PLD5: variants seen among roughly 807,000 people sequenced by gnomAD.
PLD5 encodes inactive phospholipase D5.
PLD5 carries 36 observed loss-of-function variants against 61.1 expected under a neutral mutation model. The observed-to-expected ratio is 0.59, with a 90% CI of 0.45 to 0.78. The LOEUF is 0.78. PLD5 is among the 30% of genes least tolerant of loss of function. The probability of loss-of-function intolerance (pLI) is 0.00; values close to 1 mark genes in which losing one functional copy is unlikely to be tolerated. For synonymous variants in PLD5, 243 were observed against 242.8 expected, an observed-to-expected ratio of 1.00 and a Z score of -0.01; for missense variants, 515 against 644.4, an observed-to-expected ratio of 0.80 and a Z score of 2.17.
At chr1:242,480,170 T>G (rs1478044467) in intron 1 of PLD5, among the ~76,000 whole-genome samples, 4 of 152,184 alleles carry the variant, frequency 2.6e-5, no homozygotes, top group African/African-American at 4.8e-5. Context: ...GCATATAGAT[T>G]AACTGGACAG....
intron 5 of PLD5, among the ~76,000 whole-genome samples, chr1:242,211,486 C>A (rs1669816927): frequency 1.3e-5 from 2 of 152,172 alleles, no homozygotes; most frequent in South Asian, 4.1e-4. Flanking sequence ...CAGTGGTTGA[C>A]TCAAAGCCTT....
chr1:242,091,116 C>T (rs887826429), intron 9 of PLD5, among the ~76,000 whole-genome samples: 43 of 152,014 alleles, frequency 2.8e-4, no homozygotes, highest in Admixed American at 6.6e-5. Context: ...GTCCAAATTT[C>T]CCCCCTTTTA....
intron 5 of PLD5, among the ~76,000 whole-genome samples, chr1:242,131,476 A>G (rs957888271): frequency 6.6e-6 from 1 of 152,282 alleles, no homozygotes; most frequent in African/African-American, 2.4e-5. Flanking sequence ...AAGCAATGCT[A>G]ATTAATTATA....
At chr1:242,169,089 C>T (rs1049189480) in intron 5 of PLD5, among the ~76,000 whole-genome samples, 2 of 151,822 alleles carry the variant, frequency 1.3e-5, no homozygotes, top group Non-Finnish European at 2.9e-5. Context: ...ACACATGAAG[C>T]CTACCTTTCT....
In PLD5 at chr1:242,391,194, C is replaced by CA. The variant is rs927141075; in HGVS notation, c.190-42953dup. 1.7e-3 allele frequency among the ~76,000 whole-genome samples: 257 copies of CA among 151,746 alleles called. 1 individual carries two copies. Among genetic ancestry groups the CA allele is most frequent in the East Asian group, 1.6e-3 (8 of 5,158 alleles). On this transcript the variant is annotated intron_variant, in intron 1 of 9. Coordinates refer to ENST00000536534, the MANE Select transcript of PLD5 (RefSeq NM_001372062.1). Reference sequence around the variant, plus strand: ...TGGGTGAGAGAGCGAGACTCCGTCTCAAAAAAAAGAAAAAGTTGTGGCTCC... The same window carrying CA: ...TGGGTGAGAGAGCGAGACTCCGTCTCAAAAAAAAAGAAAAAGTTGTGGCTCC...
chr1:242,475,385 T>C (rs1415548590), intron 1 of PLD5, among the ~76,000 whole-genome samples: 2 of 128,374 alleles, frequency 1.6e-5, no homozygotes, highest in Non-Finnish European at 3.2e-5. Context: ...ATTGCGCCAC[T>C]GCACTCCAGC....
intron 1 of PLD5, among the ~76,000 whole-genome samples, chr1:242,356,232 T>C (rs1389040902): frequency 6.6e-6 from 1 of 152,156 alleles, no homozygotes; most frequent in Non-Finnish European, 1.5e-5. Flanking sequence ...TAATATTTCC[T>C]TTATAGATTC....
chr1:242,201,641 C>T (rs1313876311), intron 5 of PLD5, among the ~76,000 whole-genome samples: 1 of 151,942 alleles, frequency 6.6e-6, no homozygotes, highest in Non-Finnish European at 1.5e-5. Context: ...CTTACCTCAG[C>T]CTCCTGAATA....
chr1:242,314,533 A>G (rs1037464264), intron 2 of PLD5, among the ~76,000 whole-genome samples: 1 of 152,186 alleles, frequency 6.6e-6, no homozygotes, highest in Non-Finnish European at 1.5e-5. Context: ...CTTCTCTCCG[A>G]ACTAGGGCTT....
chr1:242,348,534 A>T (rs1376374116), intron 1 of PLD5, among the ~76,000 whole-genome samples: 2 of 152,182 alleles, frequency 1.3e-5, no homozygotes, highest in Non-Finnish European at 2.9e-5. Flanking sequence ...AGCAGTCCAG[A>T]AAAGATCACT....
chr1:242,527,114 C>CTTTTTTTTTTTTTTTTTTTTTTTTTTT (rs530334746), upstream of PLD5, among the ~76,000 whole-genome samples: 4 of 71,978 alleles, frequency 5.6e-5, 1 homozygote, highest in Admixed American at 1.9e-4. Context: ...CTATCTCCTT[C>CTTTTTTTTTTTTTTTTTTTTTTTTTTT]TTTTTTTTTT....
At chr1:242,110,646 C>T (rs1044828149) in intron 7 of PLD5, among the ~76,000 whole-genome samples, 3 of 152,094 alleles carry the variant, frequency 2.0e-5, no homozygotes, top group African/African-American at 7.2e-5. Context: ...CCCATCTCTA[C>T]TAAAAATACA....
At chr1:242,361,900 C>T (rs540014716) in intron 1 of PLD5, among the ~76,000 whole-genome samples, 7 of 151,018 alleles carry the variant, frequency 4.6e-5, no homozygotes, top group Non-Finnish European at 8.8e-5. Flanking sequence ...TTTGGGAGGC[C>T]GAGGTGGGAG....
chr1:242,485,080 A>G (rs1418551243), intron 1 of PLD5, among the ~76,000 whole-genome samples: 2 of 152,166 alleles, frequency 1.3e-5, no homozygotes, highest in African/African-American at 4.8e-5. Flanking sequence ...AGAGCTATTT[A>G]TGACAAACCC....
At position 242,191,589 on chromosome 1, in the gene PLD5, A is replaced by G. The variant is rs372690529; in HGVS notation, c.735+28399T>C. 1.8e-4 allele frequency among the ~76,000 whole-genome samples: 27 copies of G among 152,328 alleles called. No homozygotes were observed. In the East Asian group the frequency reaches 1.9e-3, roughly 11 times the overall value. On this transcript the variant is annotated intron_variant, in intron 5 of 9. Coordinates refer to ENST00000536534, the MANE Select transcript of PLD5 (RefSeq NM_001372062.1). Reference sequence around the variant, plus strand: ...CAATGGAGCAAGAAGCTGTCTCGAGAAAAAAGAAAGAAAAACGAAGGAAAG... The same window carrying G: ...CAATGGAGCAAGAAGCTGTCTCGAGGAAAAAGAAAGAAAAACGAAGGAAAG...
chr1:242,326,125 C>A (rs562189694), intron 2 of PLD5, among the ~76,000 whole-genome samples: 3 of 87,140 alleles, frequency 3.4e-5, no homozygotes, highest in East Asian at 3.8e-4. Context: ...GATCCTCCCC[C>A]CTCCCTCCCA....
intron 1 of PLD5, among the ~76,000 whole-genome samples, chr1:242,398,021 A>T (rs561335017): frequency 6.6e-6 from 1 of 152,216 alleles, no homozygotes; most frequent in Admixed American, 6.5e-5. Context: ...TTTCCTGAGA[A>T]ACATTTCGAA....
At chr1:242,235,756 C>G (rs953244947) in intron 4 of PLD5, 3 of 152,150 alleles carry the variant, frequency 2.0e-5, no homozygotes, top group Non-Finnish European at 4.4e-5. Context: ...CAAGGAAGGG[C>G]TATGCTGGCC....
In PLD5 at chr1:242,090,064, C is replaced by T. The variant is rs144507098; in HGVS notation, c.1401G>A (p.Thr467=). Residue 467 remains threonine (T), a synonymous_variant, in exon 10 of 10, where the codon ACG becomes ACA. Coordinates refer to ENST00000536534, the MANE Select transcript of PLD5 (RefSeq NM_001372062.1). ...VGNDFTQNAG[T]GLVINQADVR... ...CATCTGCCTGGTTGATAACAAGGCC[C>T]GTGCCAGCATTCTGAGTGAAATCAT... 11 of 1,614,106 alleles carry T rather than the reference C, an allele frequency of 6.8e-6. No individual in the cohort carries two copies. The highest frequency in any genetic ancestry group is 6.7e-5 in the African/African-American group (5 of 75,032).
Sources: gnomAD v4.1 joint callset for allele counts (sites outside exome capture counted in the v4.1 genomes callset) on GRCh38, gnomAD v4.1.1 for gene constraint, MANE v1.5 for transcripts, NCBI Gene and HGNC (gene_info 2026-07-23, HGNC 2026-07-21) for gene names.